The following ARHGAP36 variants were observed in gnomAD, a reference collection of about 807,000 sequenced individuals.
ARHGAP36 encodes the protein Rho GTPase activating protein 36, also known as rho GTPase-activating protein 36.
A neutral mutation model predicts 32.9 loss-of-function variants in ARHGAP36; 7 were observed. The observed-to-expected ratio is 0.21, with a 90% CI of 0.12 to 0.40. The LOEUF is 0.40. ARHGAP36 is among the 10% of genes least tolerant of loss of function. ARHGAP36 has a pLI of 1.00. For synonymous variants in ARHGAP36, 165 were observed against 168.3 expected, an observed-to-expected ratio of 0.98 and a Z score of 0.15; for missense variants, 383 against 442.2, an observed-to-expected ratio of 0.87 and a Z score of 1.20.
At chrX:131,062,677 T>C (rs1008651621) in intron 1 of ARHGAP36, among the ~76,000 whole-genome samples, 1 of 112,235 alleles carries the variant, frequency 8.9e-6, no homozygotes, top group Non-Finnish European at 1.9e-5. Context: ...GTAGATGTCA[T>C]TATGTTAAAT....
chrX:131,058,583 T>C (rs1021239531), intron 1 of ARHGAP36, 139 bp downstream of exon 1: 49 of 541,376 alleles, frequency 9.1e-5, no homozygotes, highest in African/African-American at 6.5e-4. Context: ...TAATTGTTCC[T>C]GGCTCAAGGG....
At chrX:131,085,181 A>G (rs1378896894) in intron 7 of ARHGAP36, 117 bp downstream of exon 7, 6 of 764,475 alleles carry the variant, frequency 7.8e-6, no homozygotes, top group Non-Finnish European at 8.8e-6. Flanking sequence ...AAATGACCAT[A>G]AGAAGATTTT....
chrX:131,084,747 C>G, intron 6 of ARHGAP36, 66 bp downstream of exon 6: 2 of 1,190,160 alleles, frequency 1.7e-6, no homozygotes, highest in Non-Finnish European at 2.3e-6. Context: ...TGGGGTTTCC[C>G]CATAGACCTG....
At position 131,088,691 on chromosome X, in the gene ARHGAP36, C is replaced by A; in HGVS notation, c.1550C>A (p.Ala517Glu). Residue 517 changes from alanine (A) to glutamate (E), a missense_variant, in exon 12 of 12, where the codon GCG becomes GAG. By Grantham distance (107) the Ala-to-Glu change is moderately radical. Coordinates refer to ENST00000276211, the MANE Select transcript of ARHGAP36 (RefSeq NM_144967.4). ...TARSHDDEEG[A>E]GNPPIPEQDR... ...CGTTCCCATGACGATGAGGAAGGAG[C>A]GGGTAACCCTCCCATTCCGGAGCAA... 8.3e-7 allele frequency: 1 copy of A among 1,211,475 alleles called. No individual in the cohort carries two copies. Among genetic ancestry groups the A allele is most frequent in the Non-Finnish European group, 1.1e-6 (1 of 895,296 alleles).
chrX:131,058,591 G>A (rs1000715574), intron 1 of ARHGAP36, 147 bp downstream of exon 1: 2 of 510,706 alleles, frequency 3.9e-6, no homozygotes, highest in African/African-American at 4.9e-5. Context: ...CCTGGCTCAA[G>A]GGACTGCCCC....
intron 2 of ARHGAP36, 107 bp downstream of exon 2, chrX:131,082,025 A>G: frequency 1.0e-6 from 1 of 974,650 alleles, no homozygotes; most frequent in South Asian, 2.3e-5. Flanking sequence ...CTCACGCCTG[A>G]TCTCGGACTT....
At chrX:131,063,845 G>A (rs2079683029) in intron 1 of ARHGAP36, among the ~76,000 whole-genome samples, 1 of 110,797 alleles carries the variant, frequency 9.0e-6, no homozygotes, top group African/African-American at 3.3e-5. Flanking sequence ...AGGGGGTTCA[G>A]ATTGGGGTCT....
In ARHGAP36 at chrX:131,083,960, T is replaced by C. The variant is rs2079820444; in HGVS notation, c.546T>C (p.Arg182=). The C allele has an allele frequency of 8.3e-7, 1 of 1,208,945 alleles. No homozygotes were observed. Among genetic ancestry groups the C allele is most frequent in the African/African-American group, 1.7e-5 (1 of 57,153 alleles). The change falls in exon 4 of 12, where the codon CGT becomes CGC. Residue 182 remains arginine (R), a synonymous_variant. Transcript: ENST00000276211. ...CCTTGCCCCGGGAGTTCACTCGCCG[T>C]GGGCGTCGAGTGAGTTAAACCCTCC... is the stretch of plus-strand genomic sequence containing the variant. ...EPTLPREFTR[R]GRRGAVSVDS...
chrX:131,072,546 T>C lies in ARHGAP36; in HGVS notation c.-142-8978T>C, dbSNP rs2079738756. ...ATCCAGGAGTTCTGGACCTTCATCT[T>C]GGCTCTGCCACTAATTAGCTGTGTC... On this transcript the variant is annotated intron_variant, in intron 1 of 11. Coordinates refer to ENST00000276211, the MANE Select transcript of ARHGAP36 (RefSeq NM_144967.4). Among the ~76,000 whole-genome samples, 3 of 112,217 alleles carry C rather than the reference T, an allele frequency of 2.7e-5. No individual in the cohort carries two copies. In the Admixed American group the frequency reaches 2.8e-4, roughly 11 times the overall value.
At chrX:131,070,562 T>A (rs1266294138) in intron 1 of ARHGAP36, among the ~76,000 whole-genome samples, 1 of 111,720 alleles carries the variant, frequency 9.0e-6, no homozygotes, top group Admixed American at 9.5e-5. Flanking sequence ...ATCCTGACTC[T>A]GCTACTTACT....
At chrX:131,071,455 C>T (rs902462744) in intron 1 of ARHGAP36, among the ~76,000 whole-genome samples, 9 of 110,776 alleles carry the variant, frequency 8.1e-5, no homozygotes, top group East Asian at 2.8e-4. Flanking sequence ...GAGGGGAGGG[C>T]GAGGGCCTCA....
chrX:131,085,169 C>A, intron 7 of ARHGAP36, 105 bp downstream of exon 7: 3 of 802,013 alleles, frequency 3.7e-6, no homozygotes, highest in South Asian at 8.2e-5. Context: ...AGAACTAAGG[C>A]AAAATGACCA....
chrX:131,068,517 G>T (rs2079713521), intron 1 of ARHGAP36, among the ~76,000 whole-genome samples: 1 of 111,713 alleles, frequency 9.0e-6, no homozygotes, highest in African/African-American at 3.3e-5. Context: ...GAGCTGGCGC[G>T]AGGTCTCCGC....
At chrX:131,079,562 G>GTTTTTTGT (rs1556040528) in intron 1 of ARHGAP36, among the ~76,000 whole-genome samples, 15 of 93,138 alleles carry the variant, frequency 1.6e-4, no homozygotes, top group Non-Finnish European at 2.5e-4. Flanking sequence ...TTTGTTTTTT[G>GTTTTTTGT]TTTTTTTTTT....
chrX:131,087,434 C>T (rs956013792), intron 11 of ARHGAP36, among the ~76,000 whole-genome samples: 2 of 111,162 alleles, frequency 1.8e-5, no homozygotes. Context: ...CCTGAAGAAG[C>T]CCCTGGTGGA....
rs770023095 is a variant in ARHGAP36 at position 131,085,687 on chromosome X, A to G, written c.1055A>G (p.His352Arg). 8.3e-5 allele frequency: 101 copies of G among 1,210,009 alleles called. No homozygotes were observed. The highest frequency in any genetic ancestry group is 1.0e-4 in the Non-Finnish European group (92 of 895,350). The change falls in exon 8 of 12, where the codon CAT becomes CGT. Residue 352 changes from histidine (H) to arginine (R), a missense_variant. Physicochemically the swap from His to Arg is conservative, Grantham distance 29 (BLOSUM62 0). Coordinates refer to ENST00000276211, the MANE Select transcript of ARHGAP36 (RefSeq NM_144967.4). ...DTLERLLKAL[H>R]KITENCEDSI... ...CTGGAGCGTCTGCTGAAGGCCCTGC[A>G]TAAAATCACTGAGAACTGCGAGGAC...
intron 1 of ARHGAP36, among the ~76,000 whole-genome samples, chrX:131,077,807 T>TATATATATATATA (rs1569366758): frequency 1.1e-4 from 10 of 88,064 alleles, no homozygotes; most frequent in African/African-American, 6.0e-4. Context: ...ATATATATAT[T>TATATATATATATA]GCTAGTGACA....
chrX:131,084,700 C>T lies in ARHGAP36; in HGVS notation c.804+19C>T. The T allele has an allele frequency of 8.3e-7, 1 of 1,210,322 alleles. No individual in the cohort carries two copies. The highest frequency in any genetic ancestry group is 1.1e-6 in the Non-Finnish European group (1 of 894,189). The stretch of plus-strand genomic sequence containing the variant: ...GCGTCAGGTAAATTGGCTATGTTTA[C>T]ATGTTTGTTCCTCCAATAAGAAAGA... On this transcript the variant is annotated intron_variant, in intron 6 of 11. Coordinates refer to ENST00000276211, the MANE Select transcript of ARHGAP36 (RefSeq NM_144967.4).
chrX:131,071,959 CT>C (rs1353908615), intron 1 of ARHGAP36, among the ~76,000 whole-genome samples: 1 of 111,976 alleles, frequency 8.9e-6, no homozygotes, highest in Admixed American at 9.5e-5. Context: ...CCATATTGCC[CT>C]TGTTGCATCA....
Sources: gnomAD v4.1 joint callset for allele counts (sites outside exome capture counted in the v4.1 genomes callset) on GRCh38, gnomAD v4.1.1 for gene constraint, MANE v1.5 for transcripts, NCBI Gene and HGNC (gene_info 2026-07-23, HGNC 2026-07-21) for gene names.